The following CPM variants were observed in gnomAD, a reference collection of about 807,000 sequenced individuals.
The protein encoded by CPM is renal carboxypeptidase.
A neutral mutation model predicts 46.4 loss-of-function variants in CPM; 35 were observed. The observed-to-expected ratio is 0.75, with a 90% CI of 0.58 to 1.00. The LOEUF (loss-of-function observed/expected upper bound fraction) is 1.00. Among genes scored for constraint, CPM ranks in the 50% least tolerant of loss-of-function variants. The pLI is 0.00. For synonymous variants in CPM, 195 were observed against 195.3 expected, an observed-to-expected ratio of 1.00 and a Z score of 0.01; for missense variants, 422 against 530.4, an observed-to-expected ratio of 0.80 and a Z score of 2.01.
At chr12:68,904,197 G>A (rs1427589939) in intron 2 of CPM, among the ~76,000 whole-genome samples, 1 of 152,164 alleles carries the variant, frequency 6.6e-6, no homozygotes, top group Admixed American at 6.6e-5. Context: ...TCTCTTGAAA[G>A]GAATCTACTT....
intron 2 of CPM, among the ~76,000 whole-genome samples, chr12:68,896,576 A>G (rs921098981): frequency 5.9e-5 from 9 of 152,184 alleles, no homozygotes; most frequent in African/African-American, 2.2e-4. Context: ...ATTGATGGAA[A>G]AGTCCATAGT....
At chr12:68,877,805 A>C (rs949519771) in intron 3 of CPM, among the ~76,000 whole-genome samples, 3 of 152,226 alleles carry the variant, frequency 2.0e-5, no homozygotes, top group African/African-American at 7.2e-5. Flanking sequence ...CCTCTACTGC[A>C]TGTTGACTGT....
chr12:68,908,970 T>A (rs927090295), intron 2 of CPM, among the ~76,000 whole-genome samples: 3 of 152,214 alleles, frequency 2.0e-5, no homozygotes, highest in African/African-American at 7.2e-5. Context: ...GGCAGGGGTT[T>A]GTGTTTGTTC....
At chr12:68,885,126 G>C (rs907775672) in intron 3 of CPM, among the ~76,000 whole-genome samples, 1 of 152,046 alleles carries the variant, frequency 6.6e-6, no homozygotes, top group African/African-American at 2.4e-5. Context: ...TGCATTTTTA[G>C]TAGAGACAAG....
At chr12:68,951,111 C>G (rs1052950437) in intron 1 of CPM, among the ~76,000 whole-genome samples, 2 of 152,236 alleles carry the variant, frequency 1.3e-5, no homozygotes, top group Non-Finnish European at 2.9e-5. Flanking sequence ...GACAGCCTGG[C>G]TGTACCACTT....
intron 3 of CPM, among the ~76,000 whole-genome samples, chr12:68,874,237 G>T (rs1273333240): frequency 1.3e-5 from 2 of 152,220 alleles, no homozygotes; most frequent in South Asian, 2.1e-4. Flanking sequence ...CAGCACCTTT[G>T]GAAGTAACCT....
intron 2 of CPM, among the ~76,000 whole-genome samples, chr12:68,903,281 C>G (rs2136280969): frequency 6.6e-6 from 1 of 152,224 alleles, no homozygotes; most frequent in South Asian, 2.1e-4. Context: ...CTTTTTTTCC[C>G]CCTTTGGAAC....
chr12:68,846,559 T>C (rs1432782152), downstream of CPM: 1 of 152,208 alleles, frequency 6.6e-6, no homozygotes, highest in Non-Finnish European at 1.5e-5. Flanking sequence ...TCTCCCTAAA[T>C]GGATTTCACT....
chr12:68,950,609 C>T (rs1035937475), intron 1 of CPM, among the ~76,000 whole-genome samples: 2 of 152,184 alleles, frequency 1.3e-5, no homozygotes, highest in Non-Finnish European at 2.9e-5. Flanking sequence ...GCCACTGTAG[C>T]TCACATACAT....
In CPM at chr12:68,856,368, G is replaced by A. The variant is rs1884968189; in HGVS notation, c.*69C>T. ...CAAGGTCCCACTAGAGTGAGTTAGGGTTGCAGTAACCTGGAGTGAGCAATC... is the reference window on the plus strand; with the variant it reads ...CAAGGTCCCACTAGAGTGAGTTAGGATTGCAGTAACCTGGAGTGAGCAATC... On this transcript the variant is annotated 3_prime_UTR_variant, in exon 9 of 9. Coordinates refer to ENST00000551568, the MANE Select transcript of CPM (RefSeq NM_198320.5). 1 of 1,535,778 alleles carries A rather than the reference G, an allele frequency of 6.5e-7. No individual in the cohort carries two copies. Among genetic ancestry groups the A allele is most frequent in the African/African-American group, 1.4e-5 (1 of 72,856 alleles).
intron 2 of CPM, among the ~76,000 whole-genome samples, chr12:68,925,360 GGTCA>G: frequency 6.6e-6 from 1 of 152,242 alleles, no homozygotes; most frequent in African/African-American, 2.4e-5. Flanking sequence ...AAAGACCCAT[GGTCA>G]CGTAGCTACA....
At chr12:68,930,837 A>T (rs999718556) in intron 2 of CPM, among the ~76,000 whole-genome samples, 1 of 152,268 alleles carries the variant, frequency 6.6e-6, no homozygotes, top group Non-Finnish European at 1.5e-5. Flanking sequence ...TTGTGTTTGA[A>T]AATACAAAAC....
At chr12:68,907,747 A>C (rs929016780) in intron 2 of CPM, among the ~76,000 whole-genome samples, 9 of 152,222 alleles carry the variant, frequency 5.9e-5, no homozygotes, top group African/African-American at 2.2e-4. Flanking sequence ...ACATGCCTAC[A>C]TGTAGTCATC....
At chr12:68,960,361 A>T (rs1379678923) in intron 1 of CPM, among the ~76,000 whole-genome samples, 3 of 152,238 alleles carry the variant, frequency 2.0e-5, no homozygotes, top group African/African-American at 7.2e-5. Flanking sequence ...GTAAATATTT[A>T]TGAGAAAATT....
At chr12:68,871,132 A>T (rs1050791021) in intron 4 of CPM, among the ~76,000 whole-genome samples, 2 of 152,210 alleles carry the variant, frequency 1.3e-5, no homozygotes, top group African/African-American at 4.8e-5. Context: ...AACAAAATAA[A>T]CTGTTTAAAT....
intron 1 of CPM, chr12:68,957,420 C>A: frequency 3.7e-6 from 1 of 269,820 alleles, no homozygotes; most frequent in Admixed American, 4.0e-5. Context: ...CTCCATGATT[C>A]AAATTCCCTT....
At chr12:68,859,183 T>G in intron 7 of CPM, 112 bp from the exon 8 acceptor site, 1 of 557,734 alleles carries the variant, frequency 1.8e-6, no homozygotes, top group Non-Finnish European at 2.7e-6. Flanking sequence ...CTCAATGTTG[T>G]GAGTTAATAT....
intron 1 of CPM, among the ~76,000 whole-genome samples, chr12:68,944,718 T>C (rs962424547): frequency 1.8e-4 from 5 of 27,468 alleles, no homozygotes; most frequent in Admixed American, 1.6e-3. Flanking sequence ...TTGTTTTTTG[T>C]TTTTTTTTTT....
chr12:68,954,701 A>T (rs1888984982), intron 1 of CPM, among the ~76,000 whole-genome samples: 1 of 152,050 alleles, frequency 6.6e-6, no homozygotes, highest in Admixed American at 6.5e-5. Context: ...TTCTACTTGG[A>T]TGTTTAATAG....
Sources: gnomAD v4.1 joint callset for allele counts (sites outside exome capture counted in the v4.1 genomes callset) on GRCh38, gnomAD v4.1.1 for gene constraint, MANE v1.5 for transcripts, NCBI Gene and HGNC (gene_info 2026-07-23, HGNC 2026-07-21) for gene names.